CYB5B: variants seen among roughly 807,000 people sequenced by gnomAD.
CYB5B encodes cytochrome b5 type B.
Under a neutral mutation model 21.3 loss-of-function variants are expected in CYB5B, and 14 were observed. The ratio of observed to expected loss-of-function variants is 0.66; its 90% CI spans 0.43 to 1.03. The LOEUF (loss-of-function observed/expected upper bound fraction) is 1.03, where lower values mean the gene tolerates loss of function less well. Ranked by LOEUF, CYB5B falls within the 50% of genes least tolerant of loss-of-function variation. The pLI, the probability that CYB5B is intolerant of heterozygous loss-of-function variation, is 0.00. For missense variants in CYB5B, 166 were observed against 185.1 expected (o/e 0.90, Z 0.60); for synonymous variants, 69 against 68.4 (o/e 1.01, Z -0.04).
chr16:69,431,219 C>G (rs1012532455), intron 1 of CYB5B, among the ~76,000 whole-genome samples: 15 of 151,446 alleles, frequency 9.9e-5, no homozygotes, highest in Non-Finnish European at 2.1e-4. Flanking sequence ...GAACTCCTGA[C>G]CTCAAGTGAT....
chr16:69,448,130 G>C lies in CYB5B; in HGVS notation c.319G>C (p.Glu107Gln), dbSNP rs771159372. 3.1e-6 allele frequency: 5 copies of C among 1,612,862 alleles called. No homozygotes were observed. The highest frequency in any genetic ancestry group is 1.7e-5 in the Admixed American group (1 of 59,656). Residue 107 changes from glutamate to glutamine, a missense_variant, in exon 3 of 5, where the codon GAA becomes CAA. Coordinates refer to ENST00000307892, the MANE Select transcript of CYB5B (RefSeq NM_030579.3). ...TTTTTGACAGAGTGACCTTAAACCTGAAAGTGGTAGCAAGGTAAGAAGTCA... is the reference window on the plus strand; with the variant it reads ...TTTTTGACAGAGTGACCTTAAACCTCAAAGTGGTAGCAAGGTAAGAAGTCA... ...GDIHPSDLKP[E>Q]SGSKDPSKND...
intron 3 of CYB5B, among the ~76,000 whole-genome samples, chr16:69,456,992 G>A (rs1484428960): frequency 6.6e-6 from 1 of 152,138 alleles, no homozygotes; most frequent in East Asian, 1.9e-4. Flanking sequence ...TATCCTAAAG[G>A]GAGTGTATGC....
At chr16:69,451,671 G>A (rs1022579326) in intron 3 of CYB5B, among the ~76,000 whole-genome samples, 12 of 152,184 alleles carry the variant, frequency 7.9e-5, no homozygotes, top group African/African-American at 2.9e-4. Flanking sequence ...AAAAAAGTTG[G>A]CCGGGGGCGG....
chr16:69,434,472 T>C (rs2014739164), intron 1 of CYB5B, among the ~76,000 whole-genome samples: 2 of 152,368 alleles, frequency 1.3e-5, no homozygotes, highest in Admixed American at 6.5e-5. Flanking sequence ...AAAGTGTTTA[T>C]ATAATTTTAT....
At chr16:69,442,100 A>G (rs2014829102) in intron 1 of CYB5B, among the ~76,000 whole-genome samples, 1 of 151,396 alleles carries the variant, frequency 6.6e-6, no homozygotes, top group African/African-American at 2.4e-5. Flanking sequence ...AGAAAGTTAT[A>G]AAAATACTAA....
rs550846269 is a variant in CYB5B, at chr16:69,451,971, G to C, written c.333+3827G>C. 6.9e-5 allele frequency among the ~76,000 whole-genome samples: 10 copies of C among 145,834 alleles called. No homozygotes were observed. The East Asian group carries it at 1.6e-3, about 23-fold the overall frequency. On this transcript the variant is annotated intron_variant, in intron 3 of 4. Coordinates refer to ENST00000307892, the MANE Select transcript of CYB5B (RefSeq NM_030579.3). ...AAAAAAAAAAAAAAAAAATTCCCTC[G>C]TATATCCAGCTCTGAGACTTTTAGT... is the stretch of plus-strand genomic sequence containing the variant.
intron 4 of CYB5B, chr16:69,459,498 C>G (rs78384304): frequency 0.067 from 11,807 of 176,328 alleles, 473 homozygotes; most frequent in Middle Eastern, 0.1. Flanking sequence ...CTCACAACCA[C>G]TCTGTAAGGT....
At position 69,438,063 on chromosome 16, in the gene CYB5B, C is replaced by A. The variant is rs571576065; in HGVS notation, c.175-9087C>A. On this transcript the variant is annotated intron_variant, in intron 1 of 4. Transcript: ENST00000307892. ...AAACTCTGTACTTATTAAATAACTC[C>A]CTATTTCCCCCTCTTCCCAGCCTCT... Among the ~76,000 whole-genome samples the A allele has an allele frequency of 3.9e-4, 59 of 152,170 alleles. 1 individual carries two copies. In the South Asian group the frequency reaches 0.012, roughly 30 times the overall value.
At chr16:69,449,282 C>A (rs1251112570) in intron 3 of CYB5B, 1 of 152,002 alleles carries the variant, frequency 6.6e-6, no homozygotes, top group Non-Finnish European at 1.5e-5. Context: ...CTCTCAGTGT[C>A]TTAGTTCCCC....
In CYB5B at chr16:69,466,188, TTG is replaced by T. The variant is rs1419007593; in HGVS notation, c.*3670_*3671del. 2.6e-5 allele frequency: 4 copies of T among 152,644 alleles called. No homozygotes were observed. The highest frequency in any genetic ancestry group is 1.3e-4 in the Admixed American group (2 of 15,280). The allele number at this position is 152,644 out of a possible 1,614,324, so 9.5% of individuals were successfully genotyped here. A position where few individuals can be genotyped will look rare whatever the true frequency, so the allele number is the denominator to read the frequency against. On this transcript the variant is annotated 3_prime_UTR_variant, in exon 5 of 5. Coordinates refer to ENST00000307892, the MANE Select transcript of CYB5B (RefSeq NM_030579.3). ...TTCAGAATATTTTGAACAAAGATCT[TTG>T]TCTCTTTCTGCTGGAATGCGCACAC... is the stretch of plus-strand genomic sequence containing the variant.
At chr16:69,431,645 G>A (rs1205024316) in intron 1 of CYB5B, among the ~76,000 whole-genome samples, 1 of 152,128 alleles carries the variant, frequency 6.6e-6, no homozygotes, top group Non-Finnish European at 1.5e-5. Flanking sequence ...GGTGGCATGA[G>A]CCTGTAGTCC....
chr16:69,453,084 C>T (rs972149325), intron 3 of CYB5B, among the ~76,000 whole-genome samples: 1 of 151,614 alleles, frequency 6.6e-6, no homozygotes, highest in Admixed American at 6.6e-5. Context: ...CATTTGCTTT[C>T]GAAGGATTTG....
At chr16:69,451,920 G>A (rs1296825606) in intron 3 of CYB5B, among the ~76,000 whole-genome samples, 3 of 146,288 alleles carry the variant, frequency 2.1e-5, no homozygotes, top group African/African-American at 7.6e-5. Flanking sequence ...TCCAGCCTGG[G>A]CGACAAAGCG....
intron 1 of CYB5B, among the ~76,000 whole-genome samples, chr16:69,426,874 C>T (rs1387062544): frequency 6.6e-6 from 1 of 152,078 alleles, no homozygotes; most frequent in East Asian, 1.9e-4. Flanking sequence ...AAAATTCTAG[C>T]CTTAGCTATG....
In CYB5B at chr16:69,463,229, C is replaced by T. The variant is rs2015053638; in HGVS notation, c.*709C>T. 6.6e-6 allele frequency: 1 copy of T among 152,176 alleles called. No homozygotes were observed. The highest frequency in any genetic ancestry group is 1.5e-5 in the Non-Finnish European group (1 of 68,044). 9.4% of individuals were successfully genotyped at this position (152,176 alleles called of 1,614,324 possible). A position where few individuals can be genotyped will look rare whatever the true frequency, so the allele number is the denominator to read the frequency against. On this transcript the variant is annotated 3_prime_UTR_variant, in exon 5 of 5. Coordinates refer to ENST00000307892, the MANE Select transcript of CYB5B (RefSeq NM_030579.3). The stretch of plus-strand genomic sequence containing the variant: ...AATACAAAGAATGGTGTGGCCACCT[C>T]CTCCCTTTCAAGCTAGGGCAGCAGG...
intron 1 of CYB5B, among the ~76,000 whole-genome samples, chr16:69,433,831 C>G (rs1464884632): frequency 1.3e-5 from 2 of 152,184 alleles, no homozygotes; most frequent in Admixed American, 6.5e-5. Context: ...TACCCCTTCA[C>G]AAACATCATA....
At chr16:69,442,368 T>G (rs1294604001) in intron 1 of CYB5B, among the ~76,000 whole-genome samples, 1 of 152,144 alleles carries the variant, frequency 6.6e-6, no homozygotes, top group African/African-American at 2.4e-5. Flanking sequence ...AAAACATTTT[T>G]TAAATGGCTC....
Position 69,465,197 on chromosome 16 carries a change from A to AGCT in CYB5B, c.*2698_*2700dup, listed in dbSNP as rs762583208. The AGCT allele has an allele frequency of 2.5e-4, 40 of 157,620 alleles. No individual in the cohort carries two copies. Among genetic ancestry groups the AGCT allele is most frequent in the East Asian group, 7.5e-4 (4 of 5,338 alleles). 9.8% of individuals were successfully genotyped at this position (157,620 alleles called of 1,614,324 possible). ...CGGTTGTTTATTCCTGAGGAAGACT[A>AGCT]GCTGCTGCTGCTGCTGCTGCTGCAA... is the stretch of plus-strand genomic sequence containing the variant. On this transcript the variant is annotated 3_prime_UTR_variant, in exon 5 of 5. Coordinates refer to ENST00000307892, the MANE Select transcript of CYB5B (RefSeq NM_030579.3).
At chr16:69,452,313 CAAAAAA>C (rs34934716) in intron 3 of CYB5B, among the ~76,000 whole-genome samples, 3 of 79,080 alleles carry the variant, frequency 3.8e-5, no homozygotes, top group Non-Finnish European at 5.2e-5. Flanking sequence ...GACTCCGCCT[CAAAAAA>C]AAAAAAAAAA....
Sources: gnomAD v4.1 joint callset for allele counts (sites outside exome capture counted in the v4.1 genomes callset) on GRCh38, gnomAD v4.1.1 for gene constraint, MANE v1.5 for transcripts, NCBI Gene and HGNC (gene_info 2026-07-23, HGNC 2026-07-21) for gene names.